CAD: variants seen among roughly 807,000 people sequenced by gnomAD.
The protein encoded by CAD is multifunctional protein CAD.
Under a neutral mutation model 237.2 loss-of-function variants are expected in CAD, and 81 were observed. The observed-to-expected ratio is 0.34, with a 90% confidence interval of 0.29 to 0.41. The LOEUF (loss-of-function observed/expected upper bound fraction) is 0.41, where lower values mean the gene tolerates loss of function less well. Ranked by LOEUF, CAD falls within the 10% of genes least tolerant of loss-of-function variation. The probability of loss-of-function intolerance (pLI) is 1.00; values close to 1 mark genes in which losing one functional copy is unlikely to be tolerated. For missense variants in CAD, 2,181 were observed against 2,951.7 expected, an observed-to-expected ratio of 0.74 and a Z score of 6.05; for synonymous variants, 1,196 against 1,162.8, an observed-to-expected ratio of 1.03 and a Z score of -0.58.
rs947483862 is a variant in CAD, at chr2:27,240,445, T to C, written c.5593+84T>C. On this transcript the variant is annotated intron_variant, in intron 35 of 43. Transcript: ENST00000264705. This position sits in a 1 kb window ranked among gnomAD's most constrained non-coding sequence, Gnocchi z 4.6. ...AGTGCCTCGCCTTTCTCTACTTACA[T>C]GTCCTCCTCTCCATCCCTTTATCCT... 6.8e-6 allele frequency: 10 copies of C among 1,479,922 alleles called. No individual in the cohort carries two copies. The highest frequency in any genetic ancestry group is 1.4e-5 in the African/African-American group (1 of 72,352). 91.7% of individuals were successfully genotyped at this position (1,479,922 alleles called of 1,614,324 possible). A position where few individuals can be genotyped will look rare whatever the true frequency, so the allele number is the denominator to read the frequency against.
In CAD at chr2:27,235,700, G is replaced by A; in HGVS notation, c.4074+60G>A. On this transcript the variant is annotated intron_variant, in intron 25 of 43. Transcript: ENST00000264705. The surrounding 1 kb of genome is among the most constrained non-coding windows in gnomAD (Gnocchi z 5.2). The stretch of plus-strand genomic sequence containing the variant: ...CCTTCCCCAAGGGGGTGAAAATACT[G>A]CACCAAAGAATTATCTGGGCTGGGC... The A allele has an allele frequency of 7.1e-7, 1 of 1,414,902 alleles. No individual in the cohort carries two copies. The highest frequency in any genetic ancestry group is 1.0e-6 in the Non-Finnish European group (1 of 1,003,408). The allele number at this position is 1,414,902 out of a possible 1,614,324, so 87.6% of individuals were successfully genotyped here. A position where few individuals can be genotyped will look rare whatever the true frequency, so the allele number is the denominator to read the frequency against.
At position 27,241,376 on chromosome 2, in the gene CAD, C is replaced by A; in HGVS notation, c.5863C>A (p.Arg1955=). 6.2e-7 allele frequency: 1 copy of A among 1,614,172 alleles called. No homozygotes were observed. Among genetic ancestry groups the A allele is most frequent in the South Asian group, 1.1e-5 (1 of 91,086 alleles). Reference sequence around the variant, plus strand: ...ACTGCGTATGATGGTGCAGAAGGAGCGGAGCCTCGACATCCTGAAGGTCAG... The same window carrying A: ...ACTGCGTATGATGGTGCAGAAGGAGAGGAGCCTCGACATCCTGAAGGTCAG... The part of the protein sequence containing the change: ...HTLRMMVQKE[R]SLDILKGKVM... The change falls in exon 38 of 44, where the codon CGG becomes AGG. Residue 1955 remains arginine (R), a synonymous_variant. Coordinates refer to ENST00000264705, the MANE Select transcript of CAD (RefSeq NM_004341.5). This position sits in a 1 kb window ranked among gnomAD's most constrained non-coding sequence, Gnocchi z 4.6.
At position 27,233,916 on chromosome 2, in the gene CAD, G is replaced by A; in HGVS notation, c.3400-92G>A. The A allele has an allele frequency of 6.5e-7, 1 of 1,535,976 alleles. No individual in the cohort carries two copies. Among genetic ancestry groups the A allele is most frequent in the Non-Finnish European group, 9.0e-7 (1 of 1,116,686 alleles). On this transcript the variant is annotated intron_variant, in intron 21 of 43. Transcript: ENST00000264705. The surrounding 1 kb of genome is among the most constrained non-coding windows in gnomAD (Gnocchi z 6.3). ...TAGGCACCAGGGCTGGGAACAGTGG[G>A]CTATGTGGGGCTCGTTAAAGGAAGA... is the stretch of plus-strand genomic sequence containing the variant.
Position 27,223,739 on chromosome 2 carries a change from C to G in CAD, c.986C>G (p.Pro329Arg). The G allele has an allele frequency of 6.2e-7, 1 of 1,614,136 alleles. No homozygotes were observed. The highest frequency in any genetic ancestry group is 8.5e-7 in the Non-Finnish European group (1 of 1,179,974). ...GAAGGCATTGTGCACAACAGCTTGC[C>G]TTTCTTCAGGTGAGCCTGGTTGACT... is the stretch of plus-strand genomic sequence containing the variant. ...SNEGIVHNSL[P>R]FFSVQFHPEH... is the part of the protein sequence containing the mutation. Residue 329 changes from proline (P) to arginine (R), a missense_variant, in exon 7 of 44, where the codon CCT (proline) becomes CGT (arginine). Coordinates refer to ENST00000264705, the MANE Select transcript of CAD (RefSeq NM_004341.5).
chr2:27,240,808 A>T lies in CAD; in HGVS notation c.5594-103A>T, dbSNP rs1676280121. 1 of 1,345,904 alleles carries T rather than the reference A, an allele frequency of 7.4e-7. No individual in the cohort carries two copies. Among genetic ancestry groups the T allele is most frequent in the Non-Finnish European group, 1.1e-6 (1 of 950,914 alleles). The allele number at this position is 1,345,904 out of a possible 1,614,324, so 83.4% of individuals were successfully genotyped here. On this transcript the variant is annotated intron_variant, in intron 35 of 43. Coordinates refer to ENST00000264705, the MANE Select transcript of CAD (RefSeq NM_004341.5). This position sits in a 1 kb window ranked among gnomAD's most constrained non-coding sequence, Gnocchi z 4.6. ...AACCTGCTATATTACTGTGTTGTGAATTGGTTTAACATATACACTGTGATT... is the reference window on the plus strand; with the variant it reads ...AACCTGCTATATTACTGTGTTGTGATTTGGTTTAACATATACACTGTGATT...
At chr2:27,234,251 A>G in intron 22 of CAD, 25 bp downstream of exon 22, 1 of 1,587,364 alleles carries the variant, frequency 6.3e-7, no homozygotes. Context: ...GGAAAGAACT[A>G]AAGGGCCACA....
chr2:27,240,925 GAGA>G lies in CAD; in HGVS notation c.5611_5613del (p.Lys1871del). Reference sequence around the variant, plus strand: ...CCTGTTTGCAGCTGAGGAGCCAAAGGAGAAGTCCTCTCGGAAGGTAGCCGAGCC... The same window carrying G: ...CCTGTTTGCAGCTGAGGAGCCAAAGGAGTCCTCTCGGAAGGTAGCCGAGCC... On this transcript the variant is annotated inframe_deletion, in exon 36 of 44. Transcript: ENST00000264705. This position sits in a 1 kb window ranked among gnomAD's most constrained non-coding sequence, Gnocchi z 4.6. 5.6e-6 allele frequency: 9 copies of G among 1,614,108 alleles called. No individual in the cohort carries two copies. The highest frequency in any genetic ancestry group is 6.8e-6 in the Non-Finnish European group (8 of 1,180,004).
In CAD at chr2:27,239,682, G is replaced by A; in HGVS notation, c.5395-15G>A. ...CTCTCTGCTCCCTCCTGAGTGCCCT[G>A]CCTTCTGCCTGCAGGTTCTGGTACC... On this transcript the variant is annotated splice_polypyrimidine_tract_variant and intron_variant, in intron 33 of 43. Transcript: ENST00000264705. This position sits in a 1 kb window ranked among gnomAD's most constrained non-coding sequence, Gnocchi z 4.0. 1 of 1,564,674 alleles carries A rather than the reference G, an allele frequency of 6.4e-7. No individual in the cohort carries two copies. The highest frequency in any genetic ancestry group is 8.7e-7 in the Non-Finnish European group (1 of 1,152,380).
Position 27,235,933 on chromosome 2 carries a change from C to G in CAD, c.4074+293C>G, listed in dbSNP as rs762433403. 2.3e-5 allele frequency: 11 copies of G among 482,878 alleles called. No homozygotes were observed. Among genetic ancestry groups the G allele is most frequent in the African/African-American group, 5.8e-5 (3 of 51,326 alleles). 29.9% of individuals were successfully genotyped at this position (482,878 alleles called of 1,614,324 possible). On this transcript the variant is annotated intron_variant, in intron 25 of 43. Transcript: ENST00000264705. This position sits in a 1 kb window ranked among gnomAD's most constrained non-coding sequence, Gnocchi z 5.2. ...CCCTGCTTTTATTATTACCATTATA[C>G]TAGTAAGCTATATTCCATGCAGAAA...
intron 30 of CAD, 76 bp downstream of exon 30, chr2:27,238,263 C>A: frequency 6.5e-7 from 1 of 1,534,158 alleles, no homozygotes; most frequent in Non-Finnish European, 8.9e-7. Context: ...TCCTTAGGGG[C>A]AGGAGACAGC....
At chr2:27,225,366 G>T (rs1572428427) in intron 11 of CAD, 123 bp downstream of exon 11, 5 of 638,422 alleles carry the variant, frequency 7.8e-6, no homozygotes, top group Non-Finnish European at 1.3e-5. Flanking sequence ...GAGTACAGTG[G>T]CGTGATCTCG....
Position 27,240,289 on chromosome 2 carries a change from A to C in CAD, c.5521A>C (p.Ile1841Leu). Residue 1841 changes from isoleucine (I) to leucine (L), a missense_variant, in exon 35 of 44, where the codon ATC (isoleucine) becomes CTC (leucine). Physicochemically the swap from Ile to Leu is conservative, Grantham distance 5. This residue lies in a region of CAD where 478 missense variants were observed against 515.0 expected (regional missense o/e 0.93). Coordinates refer to ENST00000264705, the MANE Select transcript of CAD (RefSeq NM_004341.5). The surrounding 1 kb of genome is among the most constrained non-coding windows in gnomAD (Gnocchi z 4.6). ...TTTPERPRRG[I>L]PGLPDGRFHL... ...GACACCTGAAAGACCCCGCCGTGGCATCCCAGGGCTTCCTGATGGCCGCTT... is the reference window on the plus strand; with the variant it reads ...GACACCTGAAAGACCCCGCCGTGGCCTCCCAGGGCTTCCTGATGGCCGCTT... The C allele has an allele frequency of 6.2e-7, 1 of 1,612,780 alleles. No homozygotes were observed. Among genetic ancestry groups the C allele is most frequent in the Non-Finnish European group, 8.5e-7 (1 of 1,179,866 alleles).
At chr2:27,220,524 C>T (rs922343850) in intron 2 of CAD, among the ~76,000 whole-genome samples, 21 of 151,958 alleles carry the variant, frequency 1.4e-4, no homozygotes, top group African/African-American at 5.1e-4. Context: ...ATGATCCACA[C>T]CTGTGGTCCC....
Position 27,241,769 on chromosome 2 carries a change from C to T in CAD, c.5884-142C>T, listed in dbSNP as rs536608085. On this transcript the variant is annotated intron_variant, in intron 38 of 43. Coordinates refer to ENST00000264705, the MANE Select transcript of CAD (RefSeq NM_004341.5). This position sits in a 1 kb window ranked among gnomAD's most constrained non-coding sequence, Gnocchi z 4.6. ...GACACCAGTGGTGGAAACGTCAAGGCTCTGACAGGTCACAGGGGAGGTTTG... is the reference window on the plus strand; with the variant it reads ...GACACCAGTGGTGGAAACGTCAAGGTTCTGACAGGTCACAGGGGAGGTTTG... 8.1e-4 allele frequency: 530 copies of T among 657,846 alleles called. 6 individuals carry two copies. In the South Asian group the frequency reaches 9.7e-3, roughly 12 times the overall value. The allele number at this position is 657,846 out of a possible 1,614,324, so 40.8% of individuals were successfully genotyped here. A position where few individuals can be genotyped will look rare whatever the true frequency, so the allele number is the denominator to read the frequency against.
At chr2:27,219,141 C>T (rs528694399) in intron 2 of CAD, among the ~76,000 whole-genome samples, 1 of 152,276 alleles carries the variant, frequency 6.6e-6, no homozygotes, top group African/African-American at 2.4e-5. Flanking sequence ...GAGCCACTCG[C>T]ACATATAAAT....
At position 27,237,661 on chromosome 2, in the gene CAD, G is replaced by C; in HGVS notation, c.4564-57G>C. ...CTATGGGCCCAGGCCACTGGTGCCA[G>C]GCTAGCCTGTGTGGGCATGGGTGCC... On this transcript the variant is annotated intron_variant, in intron 28 of 43. Transcript: ENST00000264705. This position sits in a 1 kb window ranked among gnomAD's most constrained non-coding sequence, Gnocchi z 4.0. The C allele has an allele frequency of 6.3e-7, 1 of 1,583,888 alleles. No homozygotes were observed. The highest frequency in any genetic ancestry group is 8.6e-7 in the Non-Finnish European group (1 of 1,163,074).
Position 27,226,575 on chromosome 2 carries a change from C to G in CAD, c.2082C>G (p.Ala694=). Residue 694 remains alanine (A), a synonymous_variant, in exon 14 of 44, where the codon GCC becomes GCG. Coordinates refer to ENST00000264705, the MANE Select transcript of CAD (RefSeq NM_004341.5). ...GGCTCTCTCGCAGCTCTGCCCTGGC[C>G]AGTAAGGCCACAGGTTATCCACTGG... ...NARLSRSSAL[A]SKATGYPLAY... 6.2e-7 allele frequency: 1 copy of G among 1,614,150 alleles called. No individual in the cohort carries two copies. The highest frequency in any genetic ancestry group is 2.2e-5 in the East Asian group (1 of 44,884).
Position 27,232,026 on chromosome 2 carries a change from C to A in CAD, c.2447C>A (p.Ala816Asp). 6.2e-7 allele frequency: 1 copy of A among 1,614,218 alleles called. No individual in the cohort carries two copies. Among genetic ancestry groups the A allele is most frequent in the Non-Finnish European group, 8.5e-7 (1 of 1,180,044 alleles). ...AAGCGGATTTTTGTGGTGGCAGCTG[C>A]TTTGTGGGCTGGTTATTCAGTGGAC... ...TDKRIFVVAA[A>D]LWAGYSVDRL... Residue 816 changes from alanine (A) to aspartate (D), a missense_variant, in exon 17 of 44, where the codon GCT becomes GAT. Physicochemically the swap from Ala to Asp is moderately radical, Grantham distance 126. Transcript: ENST00000264705. The surrounding 1 kb of genome is among the most constrained non-coding windows in gnomAD (Gnocchi z 4.1).
rs750899310 is a variant in CAD at position 27,241,907 on chromosome 2, C to T, written c.5884-4C>T. The T allele has an allele frequency of 2.5e-6, 4 of 1,610,830 alleles. No individual in the cohort carries two copies. In the South Asian group the frequency reaches 3.3e-5, roughly 13 times the overall value. The stretch of plus-strand genomic sequence containing the variant: ...GTACACCTTCCATCTTGCTCTTTCC[C>T]TAGGGGAAGGTCATGGCCTCCATGT... On this transcript the variant is annotated splice_polypyrimidine_tract_variant and splice_region_variant and intron_variant, in intron 38 of 43. Transcript: ENST00000264705. This position sits in a 1 kb window ranked among gnomAD's most constrained non-coding sequence, Gnocchi z 4.6.
Sources: gnomAD v4.1 joint callset for allele counts (sites outside exome capture counted in the v4.1 genomes callset) on GRCh38, gnomAD v4.1.1 for gene constraint, gnomAD v4.1.1 regional missense constraint, Gnocchi (gnomAD v3.1) non-coding constraint, MANE v1.5 for transcripts, NCBI Gene and HGNC (gene_info 2026-07-23, HGNC 2026-07-21) for gene names.